Variants in KATNIP observed in about 807,000 individuals in gnomAD.
KATNIP encodes katanin-interacting protein.
A neutral mutation model predicts 174.0 loss-of-function variants in KATNIP; 126 were observed. The observed-to-expected ratio is 0.72, with a 90% CI of 0.63 to 0.84. The LOEUF is 0.84. Among genes scored for constraint, KATNIP ranks in the 40% least tolerant of loss-of-function variants. The probability of loss-of-function intolerance (pLI) is 0.00; values close to 1 mark genes in which losing one functional copy is unlikely to be tolerated. For missense variants in KATNIP, 1,958 were observed against 2,109.7 expected (o/e 0.93, Z 1.41); for synonymous variants, 810 against 835.7 (o/e 0.97, Z 0.53).
chr16:27,611,465 G>C (rs765322693), intron 2 of KATNIP, among the ~76,000 whole-genome samples: 12 of 152,234 alleles, frequency 7.9e-5, no homozygotes, highest in African/African-American at 2.2e-4. Flanking sequence ...CACATAGTAA[G>C]TGCTAAGTCA....
intron 1 of KATNIP, among the ~76,000 whole-genome samples, chr16:27,560,718 C>G (rs1192524686): frequency 1.3e-5 from 2 of 152,198 alleles, no homozygotes; most frequent in Non-Finnish European, 2.9e-5. Context: ...TGGCAGGACC[C>G]CATAGCTAGT....
intron 5 of KATNIP, among the ~76,000 whole-genome samples, chr16:27,635,034 G>A (rs1169822050): frequency 6.6e-6 from 1 of 152,178 alleles, no homozygotes; most frequent in Admixed American, 6.5e-5. Context: ...TGAAGAAGCT[G>A]TGTTCTCACG....
At chr16:27,624,664 A>G (rs996109395) in intron 3 of KATNIP, among the ~76,000 whole-genome samples, 1 of 151,992 alleles carries the variant, frequency 6.6e-6, no homozygotes, top group Non-Finnish European at 1.5e-5. Context: ...AAAAAAAAAT[A>G]CAAAAATTAG....
At chr16:27,727,926 T>G (rs1419086045) in intron 14 of KATNIP, 1 of 146,312 alleles carries the variant, frequency 6.8e-6, no homozygotes, top group Non-Finnish European at 1.5e-5. Flanking sequence ...CTATCGTGCA[T>G]GGCCATAATT....
At chr16:27,723,096 G>A (rs923782325) in intron 14 of KATNIP, among the ~76,000 whole-genome samples, 1 of 152,128 alleles carries the variant, frequency 6.6e-6, no homozygotes, top group African/African-American at 2.4e-5. Flanking sequence ...CTGGGTGGAG[G>A]GCCCTGCGTG....
chr16:27,766,964 G>A lies in KATNIP; in HGVS notation c.3975+490G>A, dbSNP rs146426082. On this transcript the variant is annotated intron_variant, in intron 20 of 27. Transcript: ENST00000261588. ...GTCTCCACCTTGGCCAGCCAGACCT[G>A]GAGCCCACATTGTGATTTCCGTGTG... is the stretch of plus-strand genomic sequence containing the variant. Among the ~76,000 whole-genome samples the A allele has an allele frequency of 2.9e-3, 447 of 152,286 alleles. 1 individual carries two copies. Among genetic ancestry groups the A allele is most frequent in the African/African-American group, 9.1e-3 (379 of 41,574 alleles).
chr16:27,750,732 C>CTTT (rs397854747), intron 16 of KATNIP, among the ~76,000 whole-genome samples: 9 of 92,086 alleles, frequency 9.8e-5, no homozygotes, highest in Admixed American at 1.3e-4. Flanking sequence ...GCGCCCAGCC[C>CTTT]TTTTTTTTTT....
intron 15 of KATNIP, among the ~76,000 whole-genome samples, chr16:27,742,202 G>A (rs1009512121): frequency 2.0e-5 from 3 of 152,080 alleles, no homozygotes; most frequent in Admixed American, 6.5e-5. Context: ...TGGAGAGTAC[G>A]GATAGCAGCT....
chr16:27,739,814 G>A (rs1470387485), intron 14 of KATNIP, among the ~76,000 whole-genome samples: 3 of 149,850 alleles, frequency 2.0e-5, no homozygotes, highest in South Asian at 2.1e-4. Context: ...CGAAGGCAGC[G>A]ATTGAGGCCG....
chr16:27,569,007 G>A (rs2090188826), intron 1 of KATNIP, among the ~76,000 whole-genome samples: 1 of 152,054 alleles, frequency 6.6e-6, no homozygotes, highest in Non-Finnish European at 1.5e-5. Flanking sequence ...AATATGAATA[G>A]TTTAATTAGG....
In KATNIP at chr16:27,693,073, A is replaced by G. The variant is rs190560999; in HGVS notation, c.941-5255A>G. Reference sequence around the variant, plus strand: ...GGACCTGATCCTTTTTGCACTGAGTAAGGAAGATACTGGTGAGATCTTCCC... The same window carrying G: ...GGACCTGATCCTTTTTGCACTGAGTGAGGAAGATACTGGTGAGATCTTCCC... On this transcript the variant is annotated intron_variant, in intron 8 of 27. Coordinates refer to ENST00000261588, the MANE Select transcript of KATNIP (RefSeq NM_015202.5). 2.6e-5 allele frequency among the ~76,000 whole-genome samples: 4 copies of G among 152,224 alleles called. No homozygotes were observed. In the East Asian group the frequency reaches 7.7e-4, roughly 29 times the overall value.
intron 8 of KATNIP, among the ~76,000 whole-genome samples, chr16:27,692,981 C>T (rs1027191940): frequency 6.6e-5 from 10 of 152,284 alleles, no homozygotes; most frequent in South Asian, 2.1e-4. Flanking sequence ...GGCTTCAGCT[C>T]CAGTATAGCT....
intron 15 of KATNIP, among the ~76,000 whole-genome samples, chr16:27,746,675 G>A (rs2081306791): frequency 6.6e-6 from 1 of 152,272 alleles, no homozygotes; most frequent in Non-Finnish European, 1.5e-5. Flanking sequence ...AAGCCAGCTA[G>A]GTGGGCCTCC....
In KATNIP at chr16:27,699,561, T is replaced by C. The variant is rs760586167; in HGVS notation, c.1141T>C (p.Trp381Arg). The C allele has an allele frequency of 6.2e-7, 1 of 1,614,144 alleles. No homozygotes were observed. Among genetic ancestry groups the C allele is most frequent in the Non-Finnish European group, 8.5e-7 (1 of 1,180,024 alleles). ...QDAEGPPAKP[W>R]TSLLEEKEET... Reference sequence around the variant, plus strand: ...TGCAGAAGGACCACCAGCAAAACCATGGACCAGTCTGCTGGAGGAGAAGGA... The same window carrying C: ...TGCAGAAGGACCACCAGCAAAACCACGGACCAGTCTGCTGGAGGAGAAGGA... Residue 381 changes from tryptophan (W) to arginine (R), a missense_variant, in exon 10 of 28, where the codon TGG becomes CGG. Transcript: ENST00000261588.
In KATNIP at chr16:27,631,115, A is replaced by G; in HGVS notation, c.361A>G (p.Ser121Gly). 1 of 1,579,128 alleles carries G rather than the reference A, an allele frequency of 6.3e-7. No individual in the cohort carries two copies. Among genetic ancestry groups the G allele is most frequent in the Non-Finnish European group, 8.6e-7 (1 of 1,161,316 alleles). The change falls in exon 5 of 28, where the codon AGT becomes GGT. Residue 121 changes from serine (S) to glycine (G), a missense_variant. Ser to Gly is a moderately conservative substitution (Grantham distance 56, BLOSUM62 0). Transcript: ENST00000261588. ...FREAEEALRRSSRTAPSKVQR... is the reference protein window; with the variant it reads ...FREAEEALRRGSRTAPSKVQR... ...AGAAGCTGAAGAAGCCTTAAGACGC[A>G]GTTCACGGACAGCCCCCAGTAAAGT...
chr16:27,765,869 C>T (rs1306371221), intron 19 of KATNIP, among the ~76,000 whole-genome samples: 1 of 152,098 alleles, frequency 6.6e-6, no homozygotes, highest in Non-Finnish European at 1.5e-5. Flanking sequence ...ATTTTGAGAT[C>T]TTTTAGGTTG....
Position 27,671,148 on chromosome 16 carries a change from G to A in KATNIP, c.541-6581G>A, listed in dbSNP as rs533432205. Among the ~76,000 whole-genome samples the A allele has an allele frequency of 3.0e-4, 45 of 152,210 alleles. 1 individual carries two copies. The highest frequency in any genetic ancestry group is 7.2e-4 in the Admixed American group (11 of 15,272). On this transcript the variant is annotated intron_variant, in intron 6 of 27. Transcript: ENST00000261588. ...GCAGAGGTTGCAGTGAGCTGAGATC[G>A]CGCCACTGCACTCCAGCCTGGGCGA...
chr16:27,770,858 G>A (rs1162013924), intron 21 of KATNIP, among the ~76,000 whole-genome samples: 1 of 152,216 alleles, frequency 6.6e-6, no homozygotes, highest in Non-Finnish European at 1.5e-5. Context: ...TGAAGCCAAA[G>A]CCATCAGGGC....
In KATNIP at chr16:27,776,089, G is replaced by A. The variant is rs1435039326; in HGVS notation, c.4450-839G>A. Among the ~76,000 whole-genome samples, 3 of 152,132 alleles carry A rather than the reference G, an allele frequency of 2.0e-5. No individual in the cohort carries two copies. The highest frequency in any genetic ancestry group is 4.4e-5 in the Non-Finnish European group (3 of 68,024). On this transcript the variant is annotated intron_variant, in intron 24 of 27. Coordinates refer to ENST00000261588, the MANE Select transcript of KATNIP (RefSeq NM_015202.5). This position sits in a 1 kb window ranked among gnomAD's most constrained non-coding sequence, Gnocchi z 4.7. ...CTCTCGCGGCTGGACTCCAACATCT[G>A]TATCTGCTTGAGCCTCACAGGCAAC...
Sources: gnomAD v4.1 joint callset for allele counts (sites outside exome capture counted in the v4.1 genomes callset) on GRCh38, gnomAD v4.1.1 for gene constraint, Gnocchi (gnomAD v3.1) non-coding constraint, MANE v1.5 for transcripts, NCBI Gene and HGNC (gene_info 2026-07-23, HGNC 2026-07-21) for gene names.